UST: variants seen among roughly 807,000 people sequenced by gnomAD.
The protein encoded by UST is uronyl 2-sulfotransferase.
A neutral mutation model predicts 45.6 loss-of-function variants in UST; 21 were observed. That is an observed-to-expected ratio of 0.46 (90% CI 0.33 to 0.66). The LOEUF is 0.66. Ranked by LOEUF, UST falls within the 30% of genes least tolerant of loss-of-function variation. The pLI is 0.02. For synonymous variants in UST, 215 were observed against 200.6 expected (o/e 1.07, Z -0.61); for missense variants, 463 against 512.4 (o/e 0.90, Z 0.93).
chr6:148,990,128 T>C (rs1327859653), intron 5 of UST, among the ~76,000 whole-genome samples: 1 of 152,252 alleles, frequency 6.6e-6, no homozygotes, highest in Non-Finnish European at 1.5e-5. Context: ...CAGGCTTTCG[T>C]ATAAAAGTTA....
intron 5 of UST, among the ~76,000 whole-genome samples, chr6:149,014,654 G>A (rs1054965083): frequency 2.0e-5 from 3 of 152,164 alleles, no homozygotes; most frequent in East Asian, 1.9e-4. Flanking sequence ...AACTCTCCCC[G>A]CCAGAAACCT....
At chr6:148,921,721 T>A (rs1031764829) in intron 2 of UST, among the ~76,000 whole-genome samples, 1 of 152,160 alleles carries the variant, frequency 6.6e-6, no homozygotes, top group African/African-American at 2.4e-5. Context: ...AGCATCCTTG[T>A]GGGTTATGGA....
intron 1 of UST, among the ~76,000 whole-genome samples, chr6:148,856,048 A>G (rs1778198542): frequency 6.6e-6 from 1 of 151,856 alleles, no homozygotes; most frequent in Non-Finnish European, 1.5e-5. Context: ...ACGGAGTTTC[A>G]CTCTGTCACC....
intron 1 of UST, among the ~76,000 whole-genome samples, chr6:148,803,918 T>G (rs1017798744): frequency 6.6e-6 from 1 of 152,230 alleles, no homozygotes; most frequent in African/African-American, 2.4e-5. Flanking sequence ...GAGTCTTCCC[T>G]GAGTTGCCTT....
At chr6:149,016,115 A>G (rs1487026013) in intron 5 of UST, among the ~76,000 whole-genome samples, 1 of 152,178 alleles carries the variant, frequency 6.6e-6, no homozygotes, top group African/African-American at 2.4e-5. Flanking sequence ...ATCCTCCTAT[A>G]GCATCACCAT....
chr6:148,920,409 C>G (rs957511742), intron 2 of UST, among the ~76,000 whole-genome samples: 1 of 152,184 alleles, frequency 6.6e-6, no homozygotes, highest in Non-Finnish European at 1.5e-5. Flanking sequence ...AATGTGGTCT[C>G]TCTGGAGGCC....
chr6:149,029,674 A>G (rs906457565), intron 7 of UST, among the ~76,000 whole-genome samples: 1 of 151,994 alleles, frequency 6.6e-6, no homozygotes, highest in Non-Finnish European at 1.5e-5. Flanking sequence ...CAAGTATACA[A>G]TGATGGTTAG....
intron 1 of UST, among the ~76,000 whole-genome samples, chr6:148,758,300 C>T (rs1350814822): frequency 1.3e-5 from 2 of 152,214 alleles, no homozygotes; most frequent in African/African-American, 4.8e-5. Flanking sequence ...GTACCCCTTC[C>T]TGCTTCTTCT....
intron 1 of UST, among the ~76,000 whole-genome samples, chr6:148,764,515 A>T (rs78291870): frequency 6.6e-6 from 1 of 152,306 alleles, no homozygotes; most frequent in African/African-American, 2.4e-5. Context: ...CCCACCCCCG[A>T]TAATTCAACG....
chr6:148,855,060 A>G (rs923186608), intron 1 of UST, among the ~76,000 whole-genome samples: 1 of 152,150 alleles, frequency 6.6e-6, no homozygotes, highest in Non-Finnish European at 1.5e-5. Flanking sequence ...GAGAGCTTGT[A>G]CAGGCTTTTT....
At position 148,933,449 on chromosome 6, in the gene UST, A is replaced by G. The variant is rs79276258; in HGVS notation, c.292-7830A>G. On this transcript the variant is annotated intron_variant, in intron 2 of 7. Coordinates refer to ENST00000367463, the MANE Select transcript of UST (RefSeq NM_005715.3). The stretch of plus-strand genomic sequence containing the variant: ...TAGCATTACACATGGAATTGTTTCA[A>G]GTGGGAACAGGGGAAGAGAAGAAAG... Among the ~76,000 whole-genome samples the G allele has an allele frequency of 1.3e-3, 202 of 152,340 alleles. 6 individuals carry two copies. In the East Asian group the frequency reaches 0.031, roughly 23 times the overall value.
intron 1 of UST, among the ~76,000 whole-genome samples, chr6:148,877,622 TGA>T (rs147634723): frequency 4.5e-3 from 259 of 58,124 alleles, no homozygotes; most frequent in Middle Eastern, 0.011. Context: ...TGTATGAGTG[TGA>T]GGGGTCGTGT....
chr6:148,968,670 A>G (rs953470188), intron 5 of UST, among the ~76,000 whole-genome samples: 2 of 152,210 alleles, frequency 1.3e-5, no homozygotes, highest in Non-Finnish European at 2.9e-5. Flanking sequence ...TCATCTCCAG[A>G]TGAGGGAGAG....
intron 7 of UST, among the ~76,000 whole-genome samples, chr6:149,026,463 T>G (rs761917890): frequency 3.9e-5 from 6 of 152,210 alleles, no homozygotes; most frequent in Non-Finnish European, 8.8e-5. Context: ...TCTGAACACT[T>G]TTTCTCCTTA....
intron 1 of UST, among the ~76,000 whole-genome samples, chr6:148,880,584 T>C (rs1436469396): frequency 6.6e-6 from 1 of 152,238 alleles, no homozygotes; most frequent in Non-Finnish European, 1.5e-5. Context: ...AACGCCTTTG[T>C]ACCTTTCCAT....
chr6:149,051,372 C>A (rs1185783899), intron 7 of UST, among the ~76,000 whole-genome samples: 8 of 152,166 alleles, frequency 5.3e-5, no homozygotes, highest in Admixed American at 4.6e-4. Flanking sequence ...GCCCTCTGAA[C>A]CCCATGGGCG....
intron 7 of UST, among the ~76,000 whole-genome samples, chr6:149,056,898 C>G (rs1212696997): frequency 6.6e-6 from 1 of 152,180 alleles, no homozygotes; most frequent in Non-Finnish European, 1.5e-5. Context: ...GGTTAAATAT[C>G]TCACTTATCT....
At chr6:148,945,351 C>T (rs1780215246) in intron 3 of UST, among the ~76,000 whole-genome samples, 1 of 152,236 alleles carries the variant, frequency 6.6e-6, no homozygotes, top group African/African-American at 2.4e-5. Context: ...AAGCCATTCT[C>T]ATCATGCAGT....
intron 5 of UST, among the ~76,000 whole-genome samples, chr6:149,013,330 A>G (rs1775846680): frequency 2.0e-5 from 3 of 152,118 alleles, no homozygotes; most frequent in Non-Finnish European, 4.4e-5. Context: ...AAGGTGGATC[A>G]CCTGAGGTCA....
Sources: gnomAD v4.1 joint callset for allele counts (sites outside exome capture counted in the v4.1 genomes callset) on GRCh38, gnomAD v4.1.1 for gene constraint, MANE v1.5 for transcripts, NCBI Gene and HGNC (gene_info 2026-07-23, HGNC 2026-07-21) for gene names.